CTTN: variants seen among roughly 807,000 people sequenced by gnomAD.
The protein encoded by CTTN is cortactin, also known as src substrate cortactin.
Under a neutral mutation model 84.0 loss-of-function variants are expected in CTTN, and 28 were observed. The observed-to-expected ratio is 0.33, with a 90% CI of 0.25 to 0.46. CTTN has a LOEUF of 0.46. CTTN is among the 20% of genes least tolerant of loss of function. The pLI, the probability that CTTN is intolerant of heterozygous loss-of-function variation, is 1.00. For synonymous variants in CTTN, 301 were observed against 288.8 expected (o/e 1.04, Z -0.43); for missense variants, 641 against 723.8 (o/e 0.89, Z 1.31).
intron 1 of CTTN, among the ~76,000 whole-genome samples, chr11:70,399,675 G>C (rs2057953287): frequency 6.6e-6 from 1 of 152,178 alleles, no homozygotes; most frequent in Non-Finnish European, 1.5e-5. Flanking sequence ...AAGCTGGAAG[G>C]CCTTGGGTGA....
At position 70,429,152 on chromosome 11, in the gene CTTN, A is replaced by T. The variant is rs769938933; in HGVS notation, c.1129A>T (p.Met377Leu). ...RKAEAERAQR[M>L]AKERQEQEEA... ...GGCGGAGGCGGAGAGAGCCCAGCGG[A>T]TGGCCAAGGAGCGGCAGGAGCAGGA... The change falls in exon 14 of 18, where the codon ATG (methionine) becomes TTG (leucine). Residue 377 changes from methionine to leucine, a missense_variant. Physicochemically the swap from Met to Leu is conservative, Grantham distance 15. Coordinates refer to ENST00000301843, the MANE Select transcript of CTTN (RefSeq NM_005231.4). 3 of 1,613,858 alleles carry T rather than the reference A, an allele frequency of 1.9e-6. No homozygotes were observed. The highest frequency in any genetic ancestry group is 2.5e-6 in the Non-Finnish European group (3 of 1,180,042).
chr11:70,433,048 C>T, intron 15 of CTTN, 53 bp from the exon 16 acceptor site: 4 of 1,567,796 alleles, frequency 2.6e-6, no homozygotes, highest in Non-Finnish European at 2.6e-6. Context: ...ACAGCTACTG[C>T]TCTCTAGAAG....
chr11:70,417,450 C>G (rs186463243), intron 8 of CTTN, among the ~76,000 whole-genome samples: 19 of 152,140 alleles, frequency 1.2e-4, no homozygotes, highest in Admixed American at 9.8e-4. Flanking sequence ...AATCCTCCCC[C>G]ACCTTGGTTT....
At chr11:70,407,212 C>T (rs957622127) in intron 2 of CTTN, 86 bp from the exon 3 acceptor site, 23 of 1,094,670 alleles carry the variant, frequency 2.1e-5, no homozygotes, top group African/African-American at 2.0e-4. Flanking sequence ...CCTAGAATCT[C>T]GGTAGTTTTG....
chr11:70,421,675 C>G (rs1010688521), intron 11 of CTTN, 95 bp downstream of exon 11: 5 of 834,046 alleles, frequency 6.0e-6, no homozygotes, highest in Non-Finnish European at 1.0e-5. Flanking sequence ...ACCTGCAACA[C>G]AGTCCTCCTG....
intron 13 of CTTN, 29 bp from the exon 14 acceptor site, chr11:70,429,022 G>C: frequency 6.2e-7 from 1 of 1,613,374 alleles, no homozygotes; most frequent in Non-Finnish European, 8.5e-7. Context: ...CTGTGCTCAA[G>C]GCACACGTCC....
chr11:70,415,564 A>G, intron 6 of CTTN, 99 bp from the exon 7 acceptor site: 1 of 1,121,142 alleles, frequency 8.9e-7, no homozygotes, highest in Non-Finnish European at 1.4e-6. Context: ...CATGTGTTTC[A>G]TATTTTTTTA....
rs546340432 is a variant in CTTN, at chr11:70,399,020, G to C, written c.-98+406G>C. ...GGGTCTTGGGTCCGAGGGAATAGGA[G>C]AGGGGGATGGGCTCCGAGGGGGAGG... On this transcript the variant is annotated intron_variant, in intron 1 of 17. Transcript: ENST00000301843. Among the ~76,000 whole-genome samples, 666 of 148,852 alleles carry C rather than the reference G, an allele frequency of 4.5e-3. 8 individuals carry two copies. Among genetic ancestry groups the C allele is most frequent in the African/African-American group, 0.015 (610 of 40,122 alleles).
chr11:70,405,883 T>C (rs1249901493), intron 2 of CTTN, among the ~76,000 whole-genome samples: 5 of 152,320 alleles, frequency 3.3e-5, no homozygotes, highest in Admixed American at 6.5e-5. Context: ...GTGGGAACCA[T>C]GGGCAGCTGA....
intron 2 of CTTN, 57 bp from the exon 3 acceptor site, chr11:70,407,241 T>C (rs111237759): frequency 2.1e-6 from 3 of 1,443,680 alleles, no homozygotes; most frequent in East Asian, 2.5e-5. Context: ...GCTCATCTGC[T>C]GGCCTCTGTG....
intron 13 of CTTN, among the ~76,000 whole-genome samples, chr11:70,425,968 G>A (rs2058295693): frequency 6.6e-6 from 1 of 152,168 alleles, no homozygotes; most frequent in Non-Finnish European, 1.5e-5. Flanking sequence ...TTTAACACAG[G>A]ATGCAGAGAG....
intron 12 of CTTN, among the ~76,000 whole-genome samples, chr11:70,423,723 G>A (rs1565496558): frequency 1.3e-5 from 2 of 152,222 alleles, no homozygotes; most frequent in South Asian, 2.1e-4. Flanking sequence ...GAGGGAGGGT[G>A]GGGAGCGGGG....
intron 8 of CTTN, among the ~76,000 whole-genome samples, chr11:70,418,207 G>A (rs927205054): frequency 3.3e-5 from 5 of 152,222 alleles, no homozygotes; most frequent in African/African-American, 4.8e-5. Context: ...GGAAAGTGCC[G>A]GTGGCCTGGA....
Position 70,418,787 on chromosome 11 carries a change from T to G in CTTN, c.569-959T>G, listed in dbSNP as rs555909599. Among the ~76,000 whole-genome samples the G allele has an allele frequency of 2.0e-5, 3 of 151,656 alleles. No homozygotes were observed. The South Asian group carries it at 6.3e-4, about 32-fold the overall frequency. On this transcript the variant is annotated intron_variant, in intron 8 of 17. Coordinates refer to ENST00000301843, the MANE Select transcript of CTTN (RefSeq NM_005231.4). Reference sequence around the variant, plus strand: ...TCTGCTGTACTTTATTTCTTTTTTTTTTTTTTTTGAGACGGAGTCTCTCTC... The same window carrying G: ...TCTGCTGTACTTTATTTCTTTTTTTGTTTTTTTTGAGACGGAGTCTCTCTC...
intron 12 of CTTN, among the ~76,000 whole-genome samples, chr11:70,424,878 T>C (rs531269965): frequency 6.6e-6 from 1 of 152,156 alleles, no homozygotes; most frequent in East Asian, 1.9e-4. Flanking sequence ...AGTCAGCACG[T>C]AAGAGTCATC....
intron 5 of CTTN, 104 bp from the exon 6 acceptor site, chr11:70,414,438 C>T (rs1314585287): frequency 6.1e-6 from 5 of 814,496 alleles, no homozygotes; most frequent in African/African-American, 5.1e-5. Context: ...GTAAGGTTTC[C>T]CTGCACTGAC....
chr11:70,433,338 C>T (rs1287697509), intron 16 of CTTN, 60 bp downstream of exon 16: 9 of 1,502,358 alleles, frequency 6.0e-6, no homozygotes, highest in Non-Finnish European at 6.2e-6. Flanking sequence ...GGACATCCTG[C>T]TCGACCTGTG....
chr11:70,422,871 C>T (rs2058254452), intron 11 of CTTN, 69 bp from the exon 12 acceptor site: 4 of 1,610,050 alleles, frequency 2.5e-6, no homozygotes, highest in Admixed American at 3.4e-5. Context: ...GATCTGTCTG[C>T]ATGCACCCAC....
At chr11:70,404,801 G>C (rs2135549973) in intron 1 of CTTN, among the ~76,000 whole-genome samples, 1 of 152,284 alleles carries the variant, frequency 6.6e-6, no homozygotes, top group South Asian at 2.1e-4. Context: ...TCGGGAGTTT[G>C]AGACCAGCCT....
Sources: gnomAD v4.1 joint callset for allele counts (sites outside exome capture counted in the v4.1 genomes callset) on GRCh38, gnomAD v4.1.1 for gene constraint, MANE v1.5 for transcripts, NCBI Gene and HGNC (gene_info 2026-07-23, HGNC 2026-07-21) for gene names.